The following PTPRD variants were observed in gnomAD, a reference collection of about 807,000 sequenced individuals.
PTPRD encodes receptor-type tyrosine-protein phosphatase delta.
Under a neutral mutation model 214.5 loss-of-function variants are expected in PTPRD, and 34 were observed. The ratio of observed to expected loss-of-function variants is 0.16; its 90% CI spans 0.12 to 0.21. The LOEUF (loss-of-function observed/expected upper bound fraction) is 0.21, where lower values mean the gene tolerates loss of function less well. Ranked by LOEUF, PTPRD falls within the 10% of genes least tolerant of loss-of-function variation. The pLI, the probability that PTPRD is intolerant of heterozygous loss-of-function variation, is 1.00. For missense variants in PTPRD, 2,545 were observed against 2,398.7 expected, an observed-to-expected ratio of 1.06 and a Z score of -1.27; for synonymous variants, 1,128 against 845.7, an observed-to-expected ratio of 1.33 and a Z score of -5.79.
At chr9:9,564,613 C>G (rs1431230682) in intron 8 of PTPRD, among the ~76,000 whole-genome samples, 1 of 151,920 alleles carries the variant, frequency 6.6e-6, no homozygotes, top group Non-Finnish European at 1.5e-5. Flanking sequence ...TTCAAACTTA[C>G]TGAACCAAAA....
chr9:10,128,137 C>G (rs1002547276), intron 3 of PTPRD, among the ~76,000 whole-genome samples: 76 of 152,040 alleles, frequency 5.0e-4, no homozygotes, highest in African/African-American at 1.8e-3. Context: ...TGTTCTGTAT[C>G]ACTTCCCTTC....
intron 12 of PTPRD, among the ~76,000 whole-genome samples, chr9:8,669,851 G>C (rs529773324): frequency 1.3e-5 from 2 of 152,282 alleles, no homozygotes; most frequent in African/African-American, 4.8e-5. Flanking sequence ...TGAAGCTAGA[G>C]AGTGAGCAGT....
At chr9:9,659,111 T>A (rs1001509930) in intron 7 of PTPRD, among the ~76,000 whole-genome samples, 5 of 152,128 alleles carry the variant, frequency 3.3e-5, no homozygotes, top group African/African-American at 1.2e-4. Flanking sequence ...GTTGCTTTTT[T>A]ATTAAATTGA....
At chr9:8,562,969 C>G (rs893823480) in intron 14 of PTPRD, among the ~76,000 whole-genome samples, 7 of 151,558 alleles carry the variant, frequency 4.6e-5, no homozygotes, top group African/African-American at 1.7e-4. Context: ...TGGGCACCCA[C>G]TTTTTCCAGC....
chr9:8,466,176 C>A (rs899144829), intron 31 of PTPRD, among the ~76,000 whole-genome samples: 2 of 151,896 alleles, frequency 1.3e-5, no homozygotes, highest in Non-Finnish European at 2.9e-5. Context: ...CTCAAATCAG[C>A]AGAAGCAGAA....
At chr9:10,217,990 C>A (rs2099549428) in intron 3 of PTPRD, among the ~76,000 whole-genome samples, 1 of 151,772 alleles carries the variant, frequency 6.6e-6, no homozygotes, top group Admixed American at 6.6e-5. Flanking sequence ...CTGTGGTAAT[C>A]TTTTTTCGGG....
At chr9:9,024,339 T>G (rs527615580) in intron 10 of PTPRD, among the ~76,000 whole-genome samples, 38 of 64,670 alleles carry the variant, frequency 5.9e-4, no homozygotes, top group Non-Finnish European at 8.7e-4. Flanking sequence ...CGATTCTTTG[T>G]TTTTTTTTGT....
chr9:9,932,002 C>T (rs1487191159), intron 5 of PTPRD, among the ~76,000 whole-genome samples: 1 of 152,026 alleles, frequency 6.6e-6, no homozygotes, highest in African/African-American at 2.4e-5. Flanking sequence ...TCCAACAGAC[C>T]TGCAGCTGAG....
chr9:9,470,519 G>A (rs2094515304), intron 8 of PTPRD, among the ~76,000 whole-genome samples: 1 of 152,152 alleles, frequency 6.6e-6, no homozygotes, highest in Non-Finnish European at 1.5e-5. Context: ...TTAGTCAACT[G>A]ATAGAGTTGG....
At chr9:8,437,976 T>G (rs538982209) in intron 34 of PTPRD, among the ~76,000 whole-genome samples, 9 of 152,304 alleles carry the variant, frequency 5.9e-5, no homozygotes, top group African/African-American at 2.2e-4. Flanking sequence ...CTGACTCTTA[T>G]CTTACAGATA....
intron 5 of PTPRD, among the ~76,000 whole-genome samples, chr9:9,870,525 T>C (rs192380338): frequency 6.6e-6 from 1 of 152,140 alleles, no homozygotes; most frequent in East Asian, 1.9e-4. Flanking sequence ...TATAATGTAT[T>C]TCATTTGAAA....
chr9:9,608,419 A>G (rs953492844), intron 7 of PTPRD, among the ~76,000 whole-genome samples: 2 of 152,174 alleles, frequency 1.3e-5, no homozygotes, highest in African/African-American at 4.8e-5. Flanking sequence ...CAGTAAGGGA[A>G]AATTTCTATT....
chr9:10,427,932 C>G (rs2098639121), intron 2 of PTPRD, among the ~76,000 whole-genome samples: 2 of 151,960 alleles, frequency 1.3e-5, no homozygotes, highest in South Asian at 2.1e-4. Flanking sequence ...TTTCAAAAAC[C>G]ATAAAACTGT....
chr9:9,440,152 T>A (rs1425874659), intron 8 of PTPRD, among the ~76,000 whole-genome samples: 1 of 152,172 alleles, frequency 6.6e-6, no homozygotes, highest in Non-Finnish European at 1.5e-5. Context: ...GAATCAGAAG[T>A]CCAATCTCAT....
intron 4 of PTPRD, among the ~76,000 whole-genome samples, chr9:9,960,920 G>C (rs545174767): frequency 9.0e-4 from 137 of 152,106 alleles, no homozygotes; most frequent in African/African-American, 3.0e-3. Flanking sequence ...ATCTGACAAA[G>C]GGCTAATATC....
intron 8 of PTPRD, among the ~76,000 whole-genome samples, chr9:9,451,769 G>GT (rs2092245843): frequency 6.6e-6 from 1 of 151,332 alleles, no homozygotes; most frequent in African/African-American, 2.4e-5. Context: ...CAACCAAATA[G>GT]TTTTTTTAGA....
At chr9:10,373,448 G>T (rs1451917801) in intron 2 of PTPRD, among the ~76,000 whole-genome samples, 1 of 151,940 alleles carries the variant, frequency 6.6e-6, no homozygotes, top group East Asian at 1.9e-4. Flanking sequence ...AGCTTTGTTG[G>T]CCTCACTTAT....
At chr9:8,330,758 A>ATTTTGAGATCCTGCCT (rs1367279484) in intron 44 of PTPRD, among the ~76,000 whole-genome samples, 1 of 152,148 alleles carries the variant, frequency 6.6e-6, no homozygotes. Context: ...TATTTGTCCT[A>ATTTTGAGATCCTGCCT]TTTTGAGATC....
intron 7 of PTPRD, among the ~76,000 whole-genome samples, chr9:9,722,127 C>A (rs181925904): frequency 3.9e-5 from 6 of 151,946 alleles, no homozygotes; most frequent in Admixed American, 2.6e-4. Flanking sequence ...TTAAAGTATA[C>A]AATTCAGCAG....
Sources: allele counts gnomAD v4.1 joint callset (sites outside exome capture counted in the v4.1 genomes callset), GRCh38; gene constraint gnomAD v4.1.1; transcripts MANE v1.5; gene names NCBI Gene and HGNC (gene_info 2026-07-23, HGNC 2026-07-21).